The following ZNF804B variants were observed in gnomAD, a reference collection of about 807,000 sequenced individuals.
ZNF804B encodes the protein zinc finger 804B.
Under a neutral mutation model 101.4 loss-of-function variants are expected in ZNF804B, and 80 were observed. That is an observed-to-expected ratio of 0.79 (90% confidence interval 0.66 to 0.95). The LOEUF (loss-of-function observed/expected upper bound fraction) is 0.95, where lower values mean the gene tolerates loss of function less well. ZNF804B is among the 40% of genes least tolerant of loss of function. The probability of loss-of-function intolerance (pLI) is 0.00; values close to 1 mark genes in which losing one functional copy is unlikely to be tolerated. For synonymous variants in ZNF804B, 622 were observed against 558.8 expected (o/e 1.11, Z -1.59); for missense variants, 1,673 against 1,561.9 (o/e 1.07, Z -1.20).
intron 1 of ZNF804B, among the ~76,000 whole-genome samples, chr7:88,842,534 C>T (rs763004560): frequency 8.5e-5 from 13 of 152,292 alleles, no homozygotes; most frequent in Non-Finnish European, 1.6e-4. Context: ...TACAGCTGCA[C>T]AAATGGCAGC....
intron 1 of ZNF804B, among the ~76,000 whole-genome samples, chr7:89,137,144 G>T (rs1463618228): frequency 6.6e-6 from 1 of 152,008 alleles, no homozygotes; most frequent in Non-Finnish European, 1.5e-5. Flanking sequence ...GTAGAGTGGG[G>T]TGTTGTTGAA....
At chr7:89,126,370 G>A (rs904972367) in intron 1 of ZNF804B, among the ~76,000 whole-genome samples, 22 of 151,858 alleles carry the variant, frequency 1.4e-4, no homozygotes, top group East Asian at 1.2e-3. Context: ...GAATTACACC[G>A]TCTTGAGACT....
At chr7:88,813,758 A>C (rs774236460) in intron 1 of ZNF804B, among the ~76,000 whole-genome samples, 1 of 152,202 alleles carries the variant, frequency 6.6e-6, no homozygotes, top group African/African-American at 2.4e-5. Context: ...AAATATTCTT[A>C]AGATCCACAT....
At chr7:88,907,846 G>A (rs1204954059) in intron 1 of ZNF804B, among the ~76,000 whole-genome samples, 2 of 151,868 alleles carry the variant, frequency 1.3e-5, no homozygotes, top group Non-Finnish European at 2.9e-5. Flanking sequence ...CATGCTAGCC[G>A]ACTTAATTCA....
At chr7:89,146,955 G>T (rs1022393985) in intron 1 of ZNF804B, among the ~76,000 whole-genome samples, 2 of 151,608 alleles carry the variant, frequency 1.3e-5, no homozygotes, top group African/African-American at 4.8e-5. Context: ...ACTTAAGCCT[G>T]GGAAGTGCGG....
chr7:89,028,897 T>C (rs1023350030), intron 1 of ZNF804B, among the ~76,000 whole-genome samples: 10 of 152,140 alleles, frequency 6.6e-5, no homozygotes, highest in Non-Finnish European at 1.3e-4. Context: ...ATTATTATTA[T>C]CAAGCAATTG....
At chr7:89,244,508 C>T (rs969237917) in intron 2 of ZNF804B, among the ~76,000 whole-genome samples, 3 of 151,872 alleles carry the variant, frequency 2.0e-5, no homozygotes, top group African/African-American at 7.3e-5. Flanking sequence ...TGAAATTGCA[C>T]AAAAATAAAA....
intron 1 of ZNF804B, among the ~76,000 whole-genome samples, chr7:89,025,073 T>C (rs1260295384): frequency 6.6e-6 from 1 of 152,132 alleles, no homozygotes; most frequent in Non-Finnish European, 1.5e-5. Context: ...TTTCCAATTT[T>C]CTTTTCAAAG....
intron 1 of ZNF804B, among the ~76,000 whole-genome samples, chr7:88,773,664 G>T (rs1473270530): frequency 6.6e-6 from 1 of 152,022 alleles, no homozygotes; most frequent in African/African-American, 2.4e-5. Context: ...GATTTAATTG[G>T]CTCACGGTTC....
intron 1 of ZNF804B, among the ~76,000 whole-genome samples, chr7:88,782,890 G>T (rs1265640548): frequency 6.6e-6 from 1 of 152,026 alleles, no homozygotes; most frequent in Non-Finnish European, 1.5e-5. Context: ...GTGTACAAGA[G>T]GACTCTTGGG....
chr7:89,241,331 T>A (rs1485844726), intron 2 of ZNF804B, among the ~76,000 whole-genome samples: 1 of 152,108 alleles, frequency 6.6e-6, no homozygotes, highest in African/African-American at 2.4e-5. Flanking sequence ...AGGTAGCTGA[T>A]TTCATAACAA....
intron 1 of ZNF804B, among the ~76,000 whole-genome samples, chr7:88,878,116 A>C (rs1418961389): frequency 1.3e-5 from 2 of 152,208 alleles, no homozygotes; most frequent in East Asian, 3.8e-4. Flanking sequence ...ATTAGCTTAG[A>C]TAATACTTCT....
intron 1 of ZNF804B, among the ~76,000 whole-genome samples, chr7:88,820,880 GA>G (rs1790967345): frequency 6.6e-6 from 1 of 152,140 alleles, no homozygotes; most frequent in Non-Finnish European, 1.5e-5. Context: ...ATTGAAGAGA[GA>G]AGGGAGGGGA....
intron 1 of ZNF804B, among the ~76,000 whole-genome samples, chr7:89,152,476 GTGTA>G (rs1317761329): frequency 2.6e-5 from 4 of 151,934 alleles, no homozygotes; most frequent in African/African-American, 9.7e-5. Context: ...ATTAAAAAAT[GTGTA>G]TGAATGTGTC....
intron 1 of ZNF804B, among the ~76,000 whole-genome samples, chr7:88,978,447 G>A (rs1793648476): frequency 6.6e-6 from 1 of 151,682 alleles, no homozygotes; most frequent in Non-Finnish European, 1.5e-5. Flanking sequence ...TCCCCTTGCT[G>A]AATTGACACC....
chr7:88,968,957 C>A (rs548767975), intron 1 of ZNF804B, among the ~76,000 whole-genome samples: 6 of 151,608 alleles, frequency 4.0e-5, no homozygotes, highest in African/African-American at 1.4e-4. Flanking sequence ...TACAGTCTTA[C>A]ATACACTGTT....
At chr7:88,840,992 C>A (rs1018427055) in intron 1 of ZNF804B, among the ~76,000 whole-genome samples, 5 of 152,116 alleles carry the variant, frequency 3.3e-5, no homozygotes, top group Non-Finnish European at 4.4e-5. Flanking sequence ...ATTATACTGT[C>A]CTAGTTAAAA....
intron 1 of ZNF804B, among the ~76,000 whole-genome samples, chr7:89,131,801 C>T (rs540409695): frequency 1.3e-5 from 2 of 152,012 alleles, no homozygotes; most frequent in South Asian, 2.1e-4. Flanking sequence ...TCCTCATTCT[C>T]CTGAGGAAGA....
chr7:88,854,533 T>TTCCTTTCCTTC lies in ZNF804B; in HGVS notation c.108+94449_108+94450insTCCTTTCCTTC, dbSNP rs796987599. ...TTTCCTTTCCTTTCCTTCCTTTCCT[T>TTCCTTTCCTTC]CCTTCCTTCCTTCCTTCCTTCCTTC... On this transcript the variant is annotated intron_variant, in intron 1 of 3. Coordinates refer to ENST00000333190, the MANE Select transcript of ZNF804B (RefSeq NM_181646.5). Among the ~76,000 whole-genome samples the TTCCTTTCCTTC allele has an allele frequency of 8.2e-3, 637 of 78,078 alleles. 19 individuals are homozygous for TTCCTTTCCTTC. Among genetic ancestry groups the TTCCTTTCCTTC allele is most frequent in the South Asian group, 0.015 (26 of 1,708 alleles). 51.2% of individuals were successfully genotyped at this position (78,078 alleles called of 152,430 possible).
Sources: allele counts gnomAD v4.1 joint callset (sites outside exome capture counted in the v4.1 genomes callset), GRCh38; gene constraint gnomAD v4.1.1; transcripts MANE v1.5; gene names NCBI Gene and HGNC (gene_info 2026-07-23, HGNC 2026-07-21).